The following CCDC150 variants were observed in gnomAD, a reference collection of about 807,000 sequenced individuals.
The protein encoded by CCDC150 is coiled-coil domain containing 150.
CCDC150 carries 151 observed loss-of-function variants against 156.5 expected under a neutral mutation model. The observed-to-expected ratio is 0.97, with a 90% CI of 0.85 to 1.10. CCDC150 has a LOEUF of 1.10. Among genes scored for constraint, CCDC150 ranks in the 50% least tolerant of loss-of-function variants. CCDC150 has a pLI of 0.00. For missense variants in CCDC150, 1,312 were observed against 1,268.1 expected (o/e 1.03, Z -0.53); for synonymous variants, 452 against 429.4 (o/e 1.05, Z -0.65).
rs115637842 is a variant in CCDC150, at chr2:196,649,735, A to G, written c.176+3231A>G. Among the ~76,000 whole-genome samples, 136 of 152,254 alleles carry G rather than the reference A, an allele frequency of 8.9e-4. 1 individual carries two copies. The highest frequency in any genetic ancestry group is 3.2e-3 in the African/African-American group (134 of 41,560). On this transcript the variant is annotated intron_variant, in intron 2 of 27. Transcript: ENST00000389175. ...ATCTTTCACCTCCTTGGTTAAACTT[A>G]TTCCTGAGTCCTTTTTTGGTGCTAT...
Position 196,732,791 on chromosome 2 carries a change from G to A in CCDC150, c.*229G>A. On this transcript the variant is annotated 3_prime_UTR_variant, in exon 28 of 28. Transcript: ENST00000389175. ...CCCAATAAATTTGTGTTAATTTGTTGTATGATAGGAGATGGTGTTGCATAA... is the reference window on the plus strand; with the variant it reads ...CCCAATAAATTTGTGTTAATTTGTTATATGATAGGAGATGGTGTTGCATAA... 2 of 345,466 alleles carry A rather than the reference G, an allele frequency of 5.8e-6. No homozygotes were observed. Among genetic ancestry groups the A allele is most frequent in the Middle Eastern group, 8.3e-4 (1 of 1,206 alleles). 21.4% of individuals were successfully genotyped at this position (345,466 alleles called of 1,614,324 possible).
In CCDC150 at chr2:196,656,864, A is replaced by G. The variant is rs1479534030; in HGVS notation, c.397+11A>G. On this transcript the variant is annotated intron_variant, in intron 3 of 27. Transcript: ENST00000389175. ...ATCCTCAGAAAACAGGTATAGAGATAAGAATCATCAGAAATGTGGTCCTGT... is the reference window on the plus strand; with the variant it reads ...ATCCTCAGAAAACAGGTATAGAGATGAGAATCATCAGAAATGTGGTCCTGT... 2 of 1,613,034 alleles carry G rather than the reference A, an allele frequency of 1.2e-6. No individual in the cohort carries two copies. Among genetic ancestry groups the G allele is most frequent in the Non-Finnish European group, 1.7e-6 (2 of 1,179,258 alleles).
chr2:196,692,804 G>T (rs139808922), intron 13 of CCDC150, among the ~76,000 whole-genome samples: 1 of 152,236 alleles, frequency 6.6e-6, no homozygotes, highest in South Asian at 2.1e-4. Context: ...TTGTTGTTTT[G>T]GGGTGGGGAG....
At chr2:196,657,481 A>G (rs1693283690) in intron 4 of CCDC150, 2 of 220,422 alleles carry the variant, frequency 9.1e-6, no homozygotes, top group Non-Finnish European at 1.8e-5. Context: ...AAATAAGAGT[A>G]TAGGAAATGT....
At chr2:196,699,666 T>G (rs1010044168) in intron 14 of CCDC150, among the ~76,000 whole-genome samples, 95 of 152,242 alleles carry the variant, frequency 6.2e-4, no homozygotes, top group African/African-American at 2.2e-3. Context: ...ACTACAGGCA[T>G]GCACCACTAT....
intron 18 of CCDC150, chr2:196,719,205 CTG>C (rs1364214980): frequency 4.5e-6 from 1 of 221,494 alleles, no homozygotes; most frequent in Non-Finnish European, 8.7e-6. Context: ...GGCGCCACCT[CTG>C]GACGCAGGTT....
In CCDC150 at chr2:196,721,242, G is replaced by C. The variant is rs1697864168; in HGVS notation, c.2260-280G>C. On this transcript the variant is annotated intron_variant, in intron 20 of 27. Transcript: ENST00000389175. ...TTAAAAAATTAGGATAAATTAAGCT[G>C]GGTCTGTTTTCCAAAGTTCTCTGGT... 3.4e-5 allele frequency among the ~76,000 whole-genome samples: 5 copies of C among 148,500 alleles called. No individual in the cohort carries two copies. In the Admixed American group the frequency reaches 3.4e-4, roughly 10 times the overall value.
chr2:196,719,072 G>A (rs1256182917), intron 18 of CCDC150, among the ~76,000 whole-genome samples: 1 of 152,206 alleles, frequency 6.6e-6, no homozygotes, highest in Non-Finnish European at 1.5e-5. Flanking sequence ...AGGGCTGTGA[G>A]TTACCTCATT....
intron 14 of CCDC150, 58 bp downstream of exon 14, chr2:196,695,217 C>G: frequency 1.1e-6 from 1 of 888,632 alleles, no homozygotes; most frequent in Non-Finnish European, 1.8e-6. Flanking sequence ...TCAGAAATAA[C>G]AACAACCAGA....
chr2:196,725,389 A>G lies in CCDC150; in HGVS notation c.2430-584A>G, dbSNP rs569721053. On this transcript the variant is annotated intron_variant, in intron 21 of 27. Transcript: ENST00000389175. Reference sequence around the variant, plus strand: ...ACTCCCTCACACACACACATTTTGCATATTATTTCAGGCAATTCCAGCATC... The same window carrying G: ...ACTCCCTCACACACACACATTTTGCGTATTATTTCAGGCAATTCCAGCATC... 5.3e-5 allele frequency among the ~76,000 whole-genome samples: 8 copies of G among 152,324 alleles called. No individual in the cohort carries two copies. The South Asian group carries it at 1.7e-3, about 32-fold the overall frequency.
chr2:196,656,212 CTTAGAG>C (rs575519653), intron 2 of CCDC150, among the ~76,000 whole-genome samples: 46 of 152,232 alleles, frequency 3.0e-4, no homozygotes, highest in African/African-American at 1.1e-3. Context: ...TGTGGGGAAT[CTTAGAG>C]TTAGGGTGGT....
chr2:196,645,119 G>A (rs1692458975), intron 1 of CCDC150, among the ~76,000 whole-genome samples: 1 of 152,094 alleles, frequency 6.6e-6, no homozygotes, highest in East Asian at 1.9e-4. Context: ...GCAAGACTCT[G>A]CCTCGAAAAA....
At chr2:196,726,754 A>G (rs1322266511) in intron 22 of CCDC150, 1 of 152,394 alleles carries the variant, frequency 6.6e-6, no homozygotes, top group Non-Finnish European at 1.5e-5. Flanking sequence ...ACATGTGAGC[A>G]GATGAAAAGT....
Position 196,658,721 on chromosome 2 carries a change from CTGATA to C in CCDC150, c.577-69_577-65del, listed in dbSNP as rs1693374405. The C allele has an allele frequency of 2.7e-6, 3 of 1,105,170 alleles. No homozygotes were observed. In the Admixed American group the frequency reaches 7.8e-5, roughly 29 times the overall value. 68.5% of individuals were successfully genotyped at this position (1,105,170 alleles called of 1,614,324 possible). On this transcript the variant is annotated intron_variant, in intron 4 of 27. Coordinates refer to ENST00000389175, the MANE Select transcript of CCDC150 (RefSeq NM_001080539.2). ...TTGCCAGAAAAAAACCTGATTTGATCTGATATACCTATAGACAATTTCTTCCTGTC... is the reference window on the plus strand; with the variant it reads ...TTGCCAGAAAAAAACCTGATTTGATCTACCTATAGACAATTTCTTCCTGTC...
At chr2:196,719,751 T>A in intron 19 of CCDC150, 85 bp downstream of exon 19, 1 of 946,456 alleles carries the variant, frequency 1.1e-6, no homozygotes, top group Non-Finnish European at 1.4e-6. Context: ...AGTCACTTTA[T>A]GTAGCTTCCT....
chr2:196,654,595 C>CT (rs35379434), intron 2 of CCDC150, among the ~76,000 whole-genome samples: 7 of 151,912 alleles, frequency 4.6e-5, no homozygotes, highest in Admixed American at 6.6e-5. Context: ...TTTTTAGGTA[C>CT]TTTTTTATAC....
intron 5 of CCDC150, among the ~76,000 whole-genome samples, 161 bp downstream of exon 5, chr2:196,659,021 C>T (rs546745957): frequency 1.2e-4 from 18 of 152,190 alleles, no homozygotes; most frequent in Non-Finnish European, 2.2e-4. Flanking sequence ...AAAGTGCCTG[C>T]CCTTACATGA....
chr2:196,640,858 A>G (rs1435522282), intron 1 of CCDC150, among the ~76,000 whole-genome samples: 1 of 152,252 alleles, frequency 6.6e-6, no homozygotes, highest in Non-Finnish European at 1.5e-5. Context: ...AAAATGATCC[A>G]GTTAAAAGGA....
chr2:196,712,255 G>A lies in CCDC150; in HGVS notation c.1803+3G>A. 1 of 1,440,730 alleles carries A rather than the reference G, an allele frequency of 6.9e-7. No homozygotes were observed. The highest frequency in any genetic ancestry group is 9.4e-7 in the Non-Finnish European group (1 of 1,061,630). 89.2% of individuals were successfully genotyped at this position (1,440,730 alleles called of 1,614,324 possible). A position where few individuals can be genotyped will look rare whatever the true frequency, so the allele number is the denominator to read the frequency against. ...ATTTACAGACTAAATATGCTCAGGT[G>A]TGATTAATATCTACAAAAGCGGATT... On this transcript the variant is annotated splice_donor_region_variant and intron_variant, in intron 16 of 27. Transcript: ENST00000389175.
Sources: allele counts gnomAD v4.1 joint callset (sites outside exome capture counted in the v4.1 genomes callset), GRCh38; gene constraint gnomAD v4.1.1; transcripts MANE v1.5; gene names NCBI Gene and HGNC (gene_info 2026-07-23, HGNC 2026-07-21).